CAMTA1: variants seen among roughly 807,000 people sequenced by gnomAD.
The protein encoded by CAMTA1 is calmodulin binding transcription activator 1, also known as calmodulin-binding transcription activator 1.
A neutral mutation model predicts 170.9 loss-of-function variants in CAMTA1; 27 were observed. The observed-to-expected ratio is 0.16, with a 90% CI of 0.12 to 0.22. The LOEUF is 0.22. Among genes scored for constraint, CAMTA1 ranks in the 10% least tolerant of loss-of-function variants. The probability of loss-of-function intolerance (pLI) is 1.00; values close to 1 mark genes in which losing one functional copy is unlikely to be tolerated. For synonymous variants in CAMTA1, 833 were observed against 891.5 expected (o/e 0.93, Z 1.17); for missense variants, 1,619 against 2,217.2 (o/e 0.73, Z 5.42).
At chr1:6,877,221 T>C (rs918403619) in intron 3 of CAMTA1, among the ~76,000 whole-genome samples, 9 of 152,164 alleles carry the variant, frequency 5.9e-5, no homozygotes, top group African/African-American at 1.9e-4. Context: ...AAACAAATGA[T>C]AGAAGGTTAG....
chr1:6,975,253 G>A (rs927979427), intron 3 of CAMTA1, among the ~76,000 whole-genome samples: 11 of 152,160 alleles, frequency 7.2e-5, no homozygotes, highest in Admixed American at 2.0e-4. Flanking sequence ...CTGCTCTTGC[G>A]GGGCTCAGGA....
At chr1:7,484,736 C>G (rs1308497962) in intron 6 of CAMTA1, among the ~76,000 whole-genome samples, 1 of 151,994 alleles carries the variant, frequency 6.6e-6, no homozygotes, top group Admixed American at 6.6e-5. Flanking sequence ...TTGCAGTGAG[C>G]TGAGATCGCA....
At chr1:7,166,431 G>A (rs1199497514) in intron 4 of CAMTA1, among the ~76,000 whole-genome samples, 2 of 152,188 alleles carry the variant, frequency 1.3e-5, no homozygotes, top group African/African-American at 2.4e-5. Context: ...TACCTTCAGC[G>A]ATTATCATTG....
chr1:6,826,293 T>C (rs1323556122), intron 3 of CAMTA1, among the ~76,000 whole-genome samples: 3 of 152,232 alleles, frequency 2.0e-5, no homozygotes, highest in Non-Finnish European at 1.5e-5. Flanking sequence ...TAAAATTCTT[T>C]GAAGGACTCT....
At chr1:7,155,225 C>CG (rs957272381) in intron 4 of CAMTA1, among the ~76,000 whole-genome samples, 4 of 151,816 alleles carry the variant, frequency 2.6e-5, no homozygotes, top group East Asian at 3.9e-4. Context: ...AAGGTGGCCT[C>CG]GGGGGGAAGG....
chr1:7,418,162 C>T (rs2091322073), intron 5 of CAMTA1, among the ~76,000 whole-genome samples: 1 of 152,120 alleles, frequency 6.6e-6, no homozygotes. Context: ...TTCCAGAGTC[C>T]ACTTCCTGGT....
At chr1:7,182,368 CTG>C (rs972831779) in intron 4 of CAMTA1, among the ~76,000 whole-genome samples, 1 of 151,980 alleles carries the variant, frequency 6.6e-6, no homozygotes, top group African/African-American at 2.4e-5. Flanking sequence ...TGGCAAAACC[CTG>C]TCTCTACTAA....
intron 5 of CAMTA1, among the ~76,000 whole-genome samples, chr1:7,423,646 G>A (rs1026487712): frequency 1.3e-5 from 2 of 151,924 alleles, no homozygotes; most frequent in Non-Finnish European, 2.9e-5. Flanking sequence ...TTCCACAAGG[G>A]TCAAACTGTG....
intron 5 of CAMTA1, among the ~76,000 whole-genome samples, chr1:7,261,633 G>T (rs1402734505): frequency 6.6e-6 from 1 of 152,168 alleles, no homozygotes; most frequent in African/African-American, 2.4e-5. Context: ...CTTTGCGGAT[G>T]GTGGAGGTGG....
chr1:6,828,447 A>G (rs561035924), intron 3 of CAMTA1, among the ~76,000 whole-genome samples: 46 of 151,878 alleles, frequency 3.0e-4, no homozygotes, highest in Non-Finnish European at 5.9e-4. Context: ...GCGTGCCACC[A>G]TGCCCAGCTA....
rs771176904 is a variant in CAMTA1 at position 7,248,977 on chromosome 1, A to G, written c.303-514A>G. ...TCTAGCAGTAATCTAAATGCAGGCA[A>G]TGAACCAACAGCATTTGGCCTCGGT... On this transcript the variant is annotated intron_variant, in intron 4 of 22. Coordinates refer to ENST00000303635, the MANE Select transcript of CAMTA1 (RefSeq NM_015215.4). The surrounding 1 kb of genome is among the most constrained non-coding windows in gnomAD (Gnocchi z 4.0). 1.4e-4 allele frequency among the ~76,000 whole-genome samples: 22 copies of G among 152,218 alleles called. No individual in the cohort carries two copies. The highest frequency in any genetic ancestry group is 2.9e-4 in the Non-Finnish European group (20 of 68,028).
At chr1:7,528,840 G>T (rs552468493) in intron 6 of CAMTA1, among the ~76,000 whole-genome samples, 3 of 98,354 alleles carry the variant, frequency 3.1e-5, no homozygotes, top group Non-Finnish European at 7.0e-5. Context: ...AATGAATGAA[G>T]TGAGTGAATG....
In CAMTA1 at chr1:7,397,514, C is replaced by G. The variant is rs191694202; in HGVS notation, c.439-70316C>G. 1.3e-3 allele frequency among the ~76,000 whole-genome samples: 203 copies of G among 152,048 alleles called. 1 individual carries two copies. The highest frequency in any genetic ancestry group is 4.6e-3 in the African/African-American group (193 of 41,506). On this transcript the variant is annotated intron_variant, in intron 5 of 22. Transcript: ENST00000303635. ...GGTCTCTATTTTGTTTATTCCTGCT[C>G]TCATCTCTATTTTTTATTGCTATCT...
chr1:7,724,778 G>A (rs1405746250), intron 11 of CAMTA1, among the ~76,000 whole-genome samples: 6 of 141,598 alleles, frequency 4.2e-5, no homozygotes, highest in Admixed American at 7.5e-5. Flanking sequence ...AGCCGAGATC[G>A]CACTACTGCA....
At chr1:6,908,371 T>A (rs1394914714) in intron 3 of CAMTA1, among the ~76,000 whole-genome samples, 1 of 152,224 alleles carries the variant, frequency 6.6e-6, no homozygotes, top group Non-Finnish European at 1.5e-5. Flanking sequence ...GCTCTCAAGT[T>A]TATCTCCTGG....
At chr1:7,620,252 G>A (rs979077217) in intron 6 of CAMTA1, among the ~76,000 whole-genome samples, 4 of 152,200 alleles carry the variant, frequency 2.6e-5, no homozygotes, top group African/African-American at 4.8e-5. Context: ...ATCACCCTTC[G>A]AGTAATTTAG....
At chr1:7,648,517 T>C (rs1444256107) in intron 7 of CAMTA1, among the ~76,000 whole-genome samples, 1 of 152,130 alleles carries the variant, frequency 6.6e-6, no homozygotes, top group Non-Finnish European at 1.5e-5. Context: ...GGGGGTGTTG[T>C]TAGAGGGACT....
intron 6 of CAMTA1, among the ~76,000 whole-genome samples, chr1:7,507,187 A>G (rs1475414238): frequency 6.6e-6 from 1 of 151,460 alleles, no homozygotes; most frequent in Admixed American, 6.6e-5. Flanking sequence ...ACTCACATAC[A>G]TAACACCCTC....
intron 18 of CAMTA1, among the ~76,000 whole-genome samples, chr1:7,746,645 C>CT (rs1333418942): frequency 6.6e-6 from 1 of 152,020 alleles, no homozygotes; most frequent in Non-Finnish European, 1.5e-5. Context: ...TTTTCTTTTT[C>CT]TTTTTTTGAA....
Sources: gnomAD v4.1 joint callset for allele counts (sites outside exome capture counted in the v4.1 genomes callset) on GRCh38, gnomAD v4.1.1 for gene constraint, Gnocchi (gnomAD v3.1) non-coding constraint, MANE v1.5 for transcripts, NCBI Gene and HGNC (gene_info 2026-07-23, HGNC 2026-07-21) for gene names.